PHF14: variants seen among roughly 807,000 people sequenced by gnomAD.
The protein encoded by PHF14 is PHD finger protein 14.
PHF14 carries 55 observed loss-of-function variants against 117.9 expected under a neutral mutation model. That is an observed-to-expected ratio of 0.47 (90% CI 0.38 to 0.58). The LOEUF (loss-of-function observed/expected upper bound fraction) is 0.58, where lower values mean the gene tolerates loss of function less well. Ranked by LOEUF, PHF14 falls within the 20% of genes least tolerant of loss-of-function variation. PHF14 has a pLI of 0.00. For synonymous variants in PHF14, 409 were observed against 368.6 expected, an observed-to-expected ratio of 1.11 and a Z score of -1.26; for missense variants, 978 against 1,122.2, an observed-to-expected ratio of 0.87 and a Z score of 1.84.
intron 16 of PHF14, among the ~76,000 whole-genome samples, chr7:11,069,652 CTCCCCTCCCTTTCCG>C (rs1433239268): frequency 3.2e-5 from 4 of 124,714 alleles, no homozygotes; most frequent in African/African-American, 1.2e-4. Context: ...CTCCTCTCCT[CTCCCCTCCCTTTCCG>C]TCCCCTCCCT....
At position 10,974,138 on chromosome 7, in the gene PHF14, G is replaced by C. The variant is rs558511219; in HGVS notation, c.-186G>C. The C allele has an allele frequency of 2.3e-5, 14 of 600,264 alleles. No individual in the cohort carries two copies. Among genetic ancestry groups the C allele is most frequent in the African/African-American group, 7.4e-5 (4 of 53,898 alleles). The allele number at this position is 600,264 out of a possible 1,614,324, so 37.2% of individuals were successfully genotyped here. On this transcript the variant is annotated 5_prime_UTR_variant, in exon 1 of 18. Coordinates refer to ENST00000634607, the MANE Select transcript of PHF14 (RefSeq NM_001007157.2). ...AGCGGCCAGGGCCAGGCGAGGCCGG[G>C]GGGGCGGGGGGTTAGGGGACCGCGG... is the stretch of plus-strand genomic sequence containing the variant.
chr7:11,036,841 A>G (rs1784336396), intron 9 of PHF14, 144 bp from the exon 10 acceptor site: 2 of 941,000 alleles, frequency 2.1e-6, no homozygotes, highest in Non-Finnish European at 3.2e-6. Context: ...GGTTTTTACA[A>G]AATGCTAGGT....
intron 16 of PHF14, chr7:11,104,025 A>G (rs550559778): frequency 1.0e-6 from 1 of 985,010 alleles, no homozygotes; most frequent in Non-Finnish European, 1.2e-6. Flanking sequence ...AAAATGACAG[A>G]TTGCCATTTT....
intron 17 of PHF14, among the ~76,000 whole-genome samples, chr7:11,134,863 G>C (rs1788174681): frequency 6.6e-6 from 1 of 152,094 alleles, no homozygotes; most frequent in Non-Finnish European, 1.5e-5. Context: ...TAATTCAGTA[G>C]AGCAACATAT....
At chr7:11,051,152 C>G (rs189190465) in intron 13 of PHF14, among the ~76,000 whole-genome samples, 1 of 152,092 alleles carries the variant, frequency 6.6e-6, no homozygotes, top group Non-Finnish European at 1.5e-5. Flanking sequence ...GTGACTCTTT[C>G]ACTTCAGCTT....
intron 16 of PHF14, among the ~76,000 whole-genome samples, chr7:11,063,923 G>A (rs1358213698): frequency 6.6e-6 from 1 of 151,718 alleles, no homozygotes; most frequent in African/African-American, 2.4e-5. Context: ...AAGTCTTCTG[G>A]AAGGTAAAGA....
At chr7:11,101,659 C>T (rs1275398872) in intron 16 of PHF14, among the ~76,000 whole-genome samples, 3 of 151,836 alleles carry the variant, frequency 2.0e-5, no homozygotes, top group East Asian at 1.9e-4. Flanking sequence ...TCCTCAGTAA[C>T]GCTTTATTTG....
intron 17 of PHF14, among the ~76,000 whole-genome samples, chr7:11,125,555 A>C (rs1787904887): frequency 6.6e-6 from 1 of 152,058 alleles, no homozygotes; most frequent in Non-Finnish European, 1.5e-5. Flanking sequence ...AAGGAGTACA[A>C]AATTATTACC....
intron 2 of PHF14, among the ~76,000 whole-genome samples, chr7:10,980,637 C>G (rs77005239): frequency 2.0e-3 from 301 of 152,272 alleles, no homozygotes; most frequent in African/African-American, 7.1e-3. Context: ...TTGTAAGGTT[C>G]ACACAAACTT....
chr7:11,075,371 G>A (rs77778775), intron 16 of PHF14, among the ~76,000 whole-genome samples: 2,605 of 152,126 alleles, frequency 0.017, 71 homozygotes, highest in African/African-American at 0.059. Flanking sequence ...CGGATCTGCC[G>A]GCTGTACAAG....
intron 16 of PHF14, among the ~76,000 whole-genome samples, chr7:11,084,561 A>G (rs1353761632): frequency 6.6e-6 from 1 of 151,800 alleles, no homozygotes; most frequent in Non-Finnish European, 1.5e-5. Flanking sequence ...GAACTAAGCC[A>G]GTTTTTAAGT....
intron 6 of PHF14, among the ~76,000 whole-genome samples, chr7:11,023,960 A>C (rs775063584): frequency 4.6e-5 from 7 of 152,236 alleles, no homozygotes; most frequent in Non-Finnish European, 1.0e-4. Context: ...TGAGGAAGGC[A>C]TGTCGAAAGC....
chr7:11,157,875 A>G lies in PHF14; in HGVS notation c.2773-11541A>G, dbSNP rs549550574. ...GATTGCCTCTGCACATTATTTTGGC[A>G]GGTAACTTTATAGTACTAGAAATCA... On this transcript the variant is annotated intron_variant, in intron 17 of 17. Coordinates refer to ENST00000634607, the MANE Select transcript of PHF14 (RefSeq NM_001007157.2). Among the ~76,000 whole-genome samples the G allele has an allele frequency of 2.6e-5, 4 of 152,300 alleles. No individual in the cohort carries two copies. In the South Asian group the frequency reaches 8.3e-4, roughly 32 times the overall value.
intron 3 of PHF14, among the ~76,000 whole-genome samples, chr7:10,988,430 C>A (rs767175335): frequency 2.6e-5 from 4 of 151,596 alleles, no homozygotes; most frequent in Non-Finnish European, 5.9e-5. Context: ...TTTTCCAGGG[C>A]TGAATAATTT....
At chr7:11,023,821 C>G (rs1355588102) in intron 6 of PHF14, among the ~76,000 whole-genome samples, 1 of 151,742 alleles carries the variant, frequency 6.6e-6, no homozygotes, top group Non-Finnish European at 1.5e-5. Flanking sequence ...GAGTGAGACT[C>G]CATCTCAAAA....
chr7:11,084,498 T>G (rs968922857), intron 16 of PHF14, among the ~76,000 whole-genome samples: 4 of 149,074 alleles, frequency 2.7e-5, no homozygotes, highest in African/African-American at 9.8e-5. Flanking sequence ...CTCTTGTGTT[T>G]TTTTTTTTTT....
chr7:11,160,293 C>G (rs1227791575), intron 17 of PHF14, among the ~76,000 whole-genome samples: 1 of 152,192 alleles, frequency 6.6e-6, no homozygotes, highest in Non-Finnish European at 1.5e-5. Flanking sequence ...TTTTCTTTAT[C>G]CAGTCCACCA....
intron 12 of PHF14, among the ~76,000 whole-genome samples, chr7:11,041,209 GT>G (rs1784495463): frequency 2.0e-5 from 3 of 151,884 alleles, no homozygotes; most frequent in Non-Finnish European, 4.4e-5. Context: ...TTAGTTTTGA[GT>G]TTCTACACTT....
rs753769297 is a variant in PHF14 at position 11,169,527 on chromosome 7, T to A, written c.*37T>A. On this transcript the variant is annotated 3_prime_UTR_variant, in exon 18 of 18. Transcript: ENST00000634607. ...TAGTGTTTTTGAAAAGTTTGCAGCT[T>A]ATGTAATAGCAGATAAAATTTCTAA... 2 of 874,578 alleles carry A rather than the reference T, an allele frequency of 2.3e-6. No individual in the cohort carries two copies. The highest frequency in any genetic ancestry group is 3.5e-5 in the African/African-American group (2 of 56,850). 54.2% of individuals were successfully genotyped at this position (874,578 alleles called of 1,614,324 possible). A position where few individuals can be genotyped will look rare whatever the true frequency, so the allele number is the denominator to read the frequency against.
Sources: gnomAD v4.1 joint callset for allele counts (sites outside exome capture counted in the v4.1 genomes callset) on GRCh38, gnomAD v4.1.1 for gene constraint, MANE v1.5 for transcripts, NCBI Gene and HGNC (gene_info 2026-07-23, HGNC 2026-07-21) for gene names.